IGSF23: variants seen among roughly 807,000 people sequenced by gnomAD.
IGSF23 encodes the protein immunoglobulin superfamily member 23.
IGSF23 carries 14 observed loss-of-function variants against 17.8 expected under a neutral mutation model. The ratio of observed to expected loss-of-function variants is 0.79; its 90% CI spans 0.52 to 1.23. IGSF23 has a LOEUF of 1.23. IGSF23 is among the 50% of genes most tolerant of loss of function. IGSF23 has a pLI of 0.00. For missense variants in IGSF23, 214 were observed against 241.7 expected, an observed-to-expected ratio of 0.89 and a Z score of 0.76; for synonymous variants, 85 against 92.5, an observed-to-expected ratio of 0.92 and a Z score of 0.46.
rs1395988658 is a variant in IGSF23, at chr19:44,627,394, C to T, written c.392-26C>T. 3 of 1,486,578 alleles carry T rather than the reference C, an allele frequency of 2.0e-6. No homozygotes were observed. The East Asian group carries it at 7.6e-5, about 38-fold the overall frequency. 92.1% of individuals were successfully genotyped at this position (1,486,578 alleles called of 1,614,324 possible). ...AGGGAGGGCGGGCAGATGGCTCCTC[C>T]AATCTCACCCCTCCTTGGTCCCCAG... On this transcript the variant is annotated intron_variant, in intron 2 of 4. Transcript: ENST00000402988.
chr19:44,626,797 C>T (rs1002201716), intron 2 of IGSF23, among the ~76,000 whole-genome samples: 1 of 152,040 alleles, frequency 6.6e-6, no homozygotes, highest in African/African-American at 2.4e-5. Context: ...TGGCATGTGC[C>T]TGTAATCCCA....
chr19:44,627,100 A>G (rs1391321997), intron 2 of IGSF23, among the ~76,000 whole-genome samples: 3 of 152,182 alleles, frequency 2.0e-5, no homozygotes, highest in African/African-American at 7.2e-5. Flanking sequence ...GAGGCTGGCC[A>G]GGTGGCAGGG....
At chr19:44,635,517 G>A (rs1015241280) in intron 4 of IGSF23, 52 bp downstream of exon 4, 1 of 1,324,178 alleles carries the variant, frequency 7.6e-7, no homozygotes, top group Non-Finnish European at 1.1e-6. Flanking sequence ...ACAGAAAGAA[G>A]TTCTTGGGCA....
chr19:44,634,450 A>G (rs1972839990), intron 3 of IGSF23, among the ~76,000 whole-genome samples: 1 of 152,182 alleles, frequency 6.6e-6, no homozygotes, highest in African/African-American at 2.4e-5. Context: ...AAATGTAGCT[A>G]TAATATTTCC....
intron 1 of IGSF23, among the ~76,000 whole-genome samples, chr19:44,614,246 G>T (rs1483618895): frequency 6.6e-6 from 1 of 152,046 alleles, no homozygotes; most frequent in Non-Finnish European, 1.5e-5. Flanking sequence ...GGCTGGCAAG[G>T]GGCAGGATCA....
Position 44,613,582 on chromosome 19 carries a change from A to C in IGSF23, c.-64A>C. The C allele has an allele frequency of 6.8e-7, 1 of 1,481,470 alleles. No homozygotes were observed. The highest frequency in any genetic ancestry group is 9.0e-7 in the Non-Finnish European group (1 of 1,107,134). 91.8% of individuals were successfully genotyped at this position (1,481,470 alleles called of 1,614,324 possible). On this transcript the variant is annotated 5_prime_UTR_variant, in exon 1 of 5. An upstream open reading frame in the 5' UTR loses its in-frame stop. Coordinates refer to ENST00000402988, the MANE Select transcript of IGSF23 (RefSeq NM_001205280.2). ...TTGGCCATTCCTTGCCTTTGATGTG[A>C]GTGATAGGAGCGGGCGATTCTGCTT...
chr19:44,630,117 A>T (rs1972734321), intron 3 of IGSF23, among the ~76,000 whole-genome samples: 1 of 151,932 alleles, frequency 6.6e-6, no homozygotes, highest in African/African-American at 2.4e-5. Flanking sequence ...AACTGTACAG[A>T]CCTCTGTAAT....
chr19:44,619,431 A>G (rs1972461570), intron 1 of IGSF23, among the ~76,000 whole-genome samples: 2 of 152,218 alleles, frequency 1.3e-5, no homozygotes, highest in Admixed American at 6.5e-5. Context: ...AACCTCATCT[A>G]TATTTTTATC....
In IGSF23 at chr19:44,623,998, C is replaced by G. The variant is rs888528229; in HGVS notation, c.391+26C>G. The stretch of plus-strand genomic sequence containing the variant: ...GTGAGTCCCCCATTCCACCCCACCC[C>G]ACCCCACCCAAGAGCCCTGCACCCT... On this transcript the variant is annotated intron_variant, in intron 2 of 4. Coordinates refer to ENST00000402988, the MANE Select transcript of IGSF23 (RefSeq NM_001205280.2). The G allele has an allele frequency of 2.0e-6, 3 of 1,529,978 alleles. No homozygotes were observed. In the African/African-American group the frequency reaches 4.1e-5, roughly 21 times the overall value. The allele number at this position is 1,529,978 out of a possible 1,614,324, so 94.8% of individuals were successfully genotyped here.
In IGSF23 at chr19:44,627,407, C is replaced by T. The variant is rs773200706; in HGVS notation, c.392-13C>T. The T allele has an allele frequency of 2.7e-6, 4 of 1,500,968 alleles. No individual in the cohort carries two copies. Among genetic ancestry groups the T allele is most frequent in the Non-Finnish European group, 3.6e-6 (4 of 1,114,024 alleles). The allele number at this position is 1,500,968 out of a possible 1,614,324, so 93.0% of individuals were successfully genotyped here. ...AGATGGCTCCTCCAATCTCACCCCT[C>T]CTTGGTCCCCAGAACCCATCATGCA... On this transcript the variant is annotated splice_polypyrimidine_tract_variant and intron_variant, in intron 2 of 4. Coordinates refer to ENST00000402988, the MANE Select transcript of IGSF23 (RefSeq NM_001205280.2).
intron 3 of IGSF23, chr19:44,632,640 C>T (rs1387891403): frequency 6.5e-6 from 1 of 153,288 alleles, no homozygotes; most frequent in Non-Finnish European, 1.5e-5. Flanking sequence ...ACAAGCATAA[C>T]CAACACCCCA....
chr19:44,621,314 T>C (rs565027020), intron 1 of IGSF23, among the ~76,000 whole-genome samples: 1 of 149,646 alleles, frequency 6.7e-6, no homozygotes, highest in East Asian at 2.0e-4. Flanking sequence ...GCCCTGTTTG[T>C]TTCAAAGGAC....
At chr19:44,627,717 T>A in intron 3 of IGSF23, 144 bp downstream of exon 3, 1 of 906,648 alleles carries the variant, frequency 1.1e-6, no homozygotes, top group Non-Finnish European at 1.6e-6. Context: ...CCCATCTGAC[T>A]CACTGGTTTC....
At chr19:44,628,379 A>T (rs11668972) in intron 3 of IGSF23, among the ~76,000 whole-genome samples, 107,271 of 152,046 alleles carry the variant, frequency 0.71, 39,442 homozygotes, top group African/African-American at 0.92. Context: ...CAGCAGAAAG[A>T]CCCTGCCCTC....
chr19:44,623,993 C>T lies in IGSF23; in HGVS notation c.391+21C>T, dbSNP rs760301623. The T allele has an allele frequency of 3.9e-6, 6 of 1,530,198 alleles. No homozygotes were observed. The Admixed American group carries it at 7.9e-5, about 20-fold the overall frequency. The allele number at this position is 1,530,198 out of a possible 1,614,324, so 94.8% of individuals were successfully genotyped here. A position where few individuals can be genotyped will look rare whatever the true frequency, so the allele number is the denominator to read the frequency against. On this transcript the variant is annotated intron_variant, in intron 2 of 4. Coordinates refer to ENST00000402988, the MANE Select transcript of IGSF23 (RefSeq NM_001205280.2). ...GCCAAGTGAGTCCCCCATTCCACCC[C>T]ACCCCACCCCACCCAAGAGCCCTGC...
At chr19:44,627,993 G>A (rs1271930150) in intron 3 of IGSF23, among the ~76,000 whole-genome samples, 3 of 147,992 alleles carry the variant, frequency 2.0e-5, no homozygotes, top group East Asian at 2.0e-4. Flanking sequence ...TGCCCAGGCC[G>A]GAGTGCAGTG....
Position 44,627,885 on chromosome 19 carries a change from A to G in IGSF23, c.545+312A>G, listed in dbSNP as rs60105371. 6.9e-3 allele frequency among the ~76,000 whole-genome samples: 1,044 copies of G among 151,950 alleles called. 9 individuals carry two copies. The highest frequency in any genetic ancestry group is 0.024 in the African/African-American group (996 of 41,432). The stretch of plus-strand genomic sequence containing the variant: ...TGCCCATCTGCAAAATGGGGATGAT[A>G]ATAATAGCATCTGACTCTCTGGGTT... On this transcript the variant is annotated intron_variant, in intron 3 of 4. Transcript: ENST00000402988.
chr19:44,623,084 C>T lies in IGSF23; in HGVS notation c.126-623C>T, dbSNP rs114232744. ...GTAAGTTTCATGAGGGCAGCAACAG[C>T]GTCTGTTTAATCACTGCTGAGCCCC... is the stretch of plus-strand genomic sequence containing the variant. On this transcript the variant is annotated intron_variant, in intron 1 of 4. Transcript: ENST00000402988. Among the ~76,000 whole-genome samples, 213 of 152,272 alleles carry T rather than the reference C, an allele frequency of 1.4e-3. 3 individuals are homozygous for T. Among genetic ancestry groups the T allele is most frequent in the African/African-American group, 4.7e-3 (195 of 41,564 alleles).
intron 1 of IGSF23, among the ~76,000 whole-genome samples, chr19:44,615,857 G>A (rs529977144): frequency 5.1e-5 from 6 of 117,186 alleles, no homozygotes; most frequent in African/African-American, 2.0e-4. Context: ...CTAGGCTGCT[G>A]TAGTTTTGTG....
Sources: gnomAD v4.1 joint callset for allele counts (sites outside exome capture counted in the v4.1 genomes callset) on GRCh38, gnomAD v4.1.1 for gene constraint, MANE v1.5 for transcripts, NCBI Gene and HGNC (gene_info 2026-07-23, HGNC 2026-07-21) for gene names.